ANKRD28: variants seen among roughly 807,000 people sequenced by gnomAD.
ANKRD28 encodes ankyrin repeat domain 28.
Under a neutral mutation model 126.5 loss-of-function variants are expected in ANKRD28, and 44 were observed. The ratio of observed to expected loss-of-function variants is 0.35; its 90% CI spans 0.27 to 0.45. The LOEUF (loss-of-function observed/expected upper bound fraction) is 0.45. Among genes scored for constraint, ANKRD28 ranks in the 20% least tolerant of loss-of-function variants. The pLI, the probability that ANKRD28 is intolerant of heterozygous loss-of-function variation, is 1.00. For missense variants in ANKRD28, 1,110 were observed against 1,316.6 expected (o/e 0.84, Z 2.43); for synonymous variants, 442 against 468.5 (o/e 0.94, Z 0.73).
chr3:15,674,310 G>C (rs2066710514), intron 27 of ANKRD28, among the ~76,000 whole-genome samples: 1 of 152,000 alleles, frequency 6.6e-6, no homozygotes, highest in Admixed American at 6.6e-5. Context: ...TACTTTAGAG[G>C]TGGAGTCAAT....
intron 2 of ANKRD28, among the ~76,000 whole-genome samples, chr3:15,792,089 G>A (rs2060056139): frequency 1.3e-5 from 2 of 151,876 alleles, no homozygotes; most frequent in Non-Finnish European, 2.9e-5. Flanking sequence ...AAATGCTGGT[G>A]AGGATGTAAA....
chr3:15,745,446 C>T (rs2057411315), intron 4 of ANKRD28, among the ~76,000 whole-genome samples: 1 of 152,170 alleles, frequency 6.6e-6, no homozygotes, highest in African/African-American at 2.4e-5. Context: ...TGCCAATTAT[C>T]CCAGCCTCAT....
intron 4 of ANKRD28, among the ~76,000 whole-genome samples, chr3:15,739,590 G>GTTA (rs2075294226): frequency 6.6e-6 from 1 of 152,064 alleles, no homozygotes; most frequent in African/African-American, 2.4e-5. Context: ...TGGGGGTGGG[G>GTTA]GAAATAACAT....
At chr3:15,806,052 G>C (rs538585694) in intron 1 of ANKRD28, among the ~76,000 whole-genome samples, 1 of 152,194 alleles carries the variant, frequency 6.6e-6, no homozygotes, top group African/African-American at 2.4e-5. Context: ...ATGACTCAGA[G>C]AGTTTTAGTT....
At chr3:15,718,872 A>G (rs1211415101) in intron 8 of ANKRD28, among the ~76,000 whole-genome samples, 1 of 152,194 alleles carries the variant, frequency 6.6e-6, no homozygotes, top group East Asian at 1.9e-4. Flanking sequence ...AAATAGCCTA[A>G]CTTTCATTAA....
chr3:15,799,399 T>G (rs994884575), upstream of ANKRD28, among the ~76,000 whole-genome samples: 3 of 151,696 alleles, frequency 2.0e-5, no homozygotes, highest in African/African-American at 7.3e-5. Context: ...AGCTATAAAA[T>G]GTATCAATCT....
intron 2 of ANKRD28, among the ~76,000 whole-genome samples, chr3:15,775,360 G>A (rs373183717): frequency 6.6e-6 from 1 of 152,220 alleles, no homozygotes; most frequent in East Asian, 1.9e-4. Context: ...GATACTTGAT[G>A]TGTGGAGGTT....
At chr3:15,794,940 C>T (rs767037821) in intron 2 of ANKRD28, among the ~76,000 whole-genome samples, 5 of 151,918 alleles carry the variant, frequency 3.3e-5, no homozygotes, top group Non-Finnish European at 7.4e-5. Flanking sequence ...GTTATCAATG[C>T]CAAAAGTAAG....
At position 15,711,229 on chromosome 3, in the gene ANKRD28, T is replaced by C. The variant is rs1218829475; in HGVS notation, c.1319A>G (p.His440Arg). ...AACATACCCTCCAGCTGCAGCTGCATGTAGACAAGTCCTGCCAAAATCATC... is the reference window on the plus strand; with the variant it reads ...AACATACCCTCCAGCTGCAGCTGCACGTAGACAAGTCCTGCCAAAATCATC... ...TPDDFGRTCL[H>R]AAAAGGNLEC... is the part of the protein sequence containing the mutation. Residue 440 changes from histidine to arginine, a missense_variant, in exon 12 of 28, where the codon CAT (histidine) becomes CGT (arginine). His to Arg is a conservative substitution (Grantham distance 29). Transcript: ENST00000683139. The C allele has an allele frequency of 6.2e-7, 1 of 1,612,788 alleles. No individual in the cohort carries two copies. The highest frequency in any genetic ancestry group is 8.5e-7 in the Non-Finnish European group (1 of 1,179,168).
chr3:15,799,769 C>T (rs114078446), upstream of ANKRD28, among the ~76,000 whole-genome samples: 322 of 152,068 alleles, frequency 2.1e-3, 2 homozygotes, highest in African/African-American at 7.5e-3. Flanking sequence ...TCTAAGTCAA[C>T]CTCCACACTT....
In ANKRD28 at chr3:15,711,258, G is replaced by A. The variant is rs982750598; in HGVS notation, c.1290C>T (p.Thr430=). 1.2e-6 allele frequency: 2 copies of A among 1,610,950 alleles called. No homozygotes were observed. The highest frequency in any genetic ancestry group is 1.3e-5 in the African/African-American group (1 of 74,796). The change falls in exon 12 of 28, where the codon ACC becomes ACT. Residue 430 remains threonine, a synonymous_variant. Coordinates refer to ENST00000683139, the MANE Select transcript of ANKRD28 (RefSeq NM_001349278.2). ...KLLSSGFDID[T]PDDFGRTCLH... ...GACAAGTCCTGCCAAAATCATCTGG[G>A]GTATCTATATCAAATCCTACAAGAA... is the stretch of plus-strand genomic sequence containing the variant.
In ANKRD28 at chr3:15,766,212, T is replaced by C. The variant is rs1308419826; in HGVS notation, c.280+22A>G. On this transcript the variant is annotated intron_variant, in intron 3 of 27. Coordinates refer to ENST00000683139, the MANE Select transcript of ANKRD28 (RefSeq NM_001349278.2). ...AACAAAAATATACATAATGTGTTCTTATTACTCAGAGGTTACCATACCAGA... is the reference window on the plus strand; with the variant it reads ...AACAAAAATATACATAATGTGTTCTCATTACTCAGAGGTTACCATACCAGA... 1.9e-6 allele frequency: 3 copies of C among 1,574,500 alleles called. No homozygotes were observed. The East Asian group carries it at 6.7e-5, about 35-fold the overall frequency.
At chr3:15,835,584 T>C (rs1040173440) in intron 1 of ANKRD28, among the ~76,000 whole-genome samples, 26 of 152,202 alleles carry the variant, frequency 1.7e-4, no homozygotes, top group African/African-American at 5.6e-4. Context: ...AAGTTTCCAA[T>C]GGTTGCCCCC....
At chr3:15,761,932 T>G (rs988065054) in intron 3 of ANKRD28, among the ~76,000 whole-genome samples, 2 of 152,102 alleles carry the variant, frequency 1.3e-5, no homozygotes, top group African/African-American at 4.8e-5. Flanking sequence ...ACAGCTGTAA[T>G]CCCAGCACTT....
intron 4 of ANKRD28, among the ~76,000 whole-genome samples, chr3:15,740,165 A>G (rs2075347149): frequency 6.6e-6 from 1 of 152,258 alleles, no homozygotes; most frequent in African/African-American, 2.4e-5. Flanking sequence ...CCATTTTTAT[A>G]AAGTTCTAGA....
At chr3:15,823,677 C>A (rs2060995091) in intron 1 of ANKRD28, among the ~76,000 whole-genome samples, 1 of 152,136 alleles carries the variant, frequency 6.6e-6, no homozygotes, top group Non-Finnish European at 1.5e-5. Context: ...CAATAAAATA[C>A]TAGCAAACCA....
intron 14 of ANKRD28, among the ~76,000 whole-genome samples, chr3:15,705,095 C>T (rs2071176811): frequency 6.6e-6 from 1 of 152,040 alleles, no homozygotes; most frequent in Non-Finnish European, 1.5e-5. Context: ...CTTTCGGATC[C>T]CAAGTATCAA....
chr3:15,811,088 T>C (rs958500059), intron 1 of ANKRD28, among the ~76,000 whole-genome samples: 4 of 152,158 alleles, frequency 2.6e-5, no homozygotes, highest in African/African-American at 9.7e-5. Flanking sequence ...ATTTTTTATC[T>C]AAATAACCCT....
chr3:15,853,924 T>C lies in ANKRD28; in HGVS notation c.27+5453A>G, dbSNP rs944509683. Among the ~76,000 whole-genome samples the C allele has an allele frequency of 1.3e-5, 2 of 152,190 alleles. No homozygotes were observed. Among genetic ancestry groups the C allele is most frequent in the African/African-American group, 2.4e-5 (1 of 41,442 alleles). The stretch of plus-strand genomic sequence containing the variant: ...TAGCTATGAGAAATATTTTAAGATA[T>C]ACTCACTCTCATTCAAACTTTTGCC... On this transcript the variant is annotated intron_variant, in intron 1 of 27. Coordinates refer to the ANKRD28 transcript ENST00000399451. The surrounding 1 kb of genome is among the most constrained non-coding windows in gnomAD (Gnocchi z 4.2).
Sources: gnomAD v4.1 joint callset for allele counts (sites outside exome capture counted in the v4.1 genomes callset) on GRCh38, gnomAD v4.1.1 for gene constraint, Gnocchi (gnomAD v3.1) non-coding constraint, MANE v1.5 for transcripts, NCBI Gene and HGNC (gene_info 2026-07-23, HGNC 2026-07-21) for gene names.